The following ATRX variants were observed in gnomAD, a reference collection of about 807,000 sequenced individuals.
ATRX encodes ATRX chromatin remodeler.
ATRX carries 12 observed loss-of-function variants against 172.6 expected under a neutral mutation model. That is an observed-to-expected ratio of 0.07 (90% CI 0.04 to 0.11). ATRX has a LOEUF of 0.11. ATRX is among the 10% of genes least tolerant of loss of function. The pLI is 1.00. For missense variants in ATRX, 1,368 were observed against 1,767.4 expected (o/e 0.77, Z 4.05); for synonymous variants, 674 against 594.7 (o/e 1.13, Z -1.94).
chrX:77,784,667 G>A (rs980794469), intron 1 of ATRX, among the ~76,000 whole-genome samples: 1 of 110,231 alleles, frequency 9.1e-6, no homozygotes, highest in African/African-American at 3.3e-5. Context: ...GGCCACAATC[G>A]TGTACACAAC....
At chrX:77,512,981 C>G (rs1220337919) in intron 34 of ATRX, among the ~76,000 whole-genome samples, 1 of 111,056 alleles carries the variant, frequency 9.0e-6, no homozygotes, top group Non-Finnish European at 1.9e-5. Flanking sequence ...AACCAGAAAA[C>G]AAATAACAAA....
At chrX:77,576,289 G>T (rs191878805) in intron 27 of ATRX, among the ~76,000 whole-genome samples, 2 of 110,429 alleles carry the variant, frequency 1.8e-5, no homozygotes, top group African/African-American at 6.6e-5. Flanking sequence ...TTGTAACATA[G>T]GCTTTTCAAT....
chrX:77,696,452 C>A (rs2072189885), intron 5 of ATRX, 125 bp downstream of exon 5: 3 of 721,347 alleles, frequency 4.2e-6, no homozygotes, highest in South Asian at 5.1e-5. Context: ...TTCTAGACAA[C>A]CACTAGGAAA....
In ATRX at chrX:77,654,114, G is replaced by A. The variant is rs1354315520; in HGVS notation, c.4301C>T (p.Ser1434Leu). 2 of 1,205,913 alleles carry A rather than the reference G, an allele frequency of 1.7e-6. No individual in the cohort carries two copies. The highest frequency in any genetic ancestry group is 3.5e-5 in the African/African-American group (2 of 57,191). ...KRRRIKVQED[S>L]SSENKSNSEE... ...CATTATTACCTTGTTTTCACTGGAT[G>A]AATCTTCTTGAACCTTAATACGTCG... The change falls in exon 14 of 35, where the codon TCA (serine) becomes TTA (leucine). Residue 1434 changes from serine to leucine, a missense_variant. Transcript: ENST00000373344.
chrX:77,786,183 G>A lies in ATRX; in HGVS notation c.-182C>T. ...GCCGCAGGAGCCGCGGAAACAAAGC[G>A]ACACCGCTGCCGCCGCCATTTTGTT... is the stretch of plus-strand genomic sequence containing the variant. On this transcript the variant is annotated 5_prime_UTR_variant, in exon 1 of 35. Coordinates refer to ENST00000373344, the MANE Select transcript of ATRX (RefSeq NM_000489.6). 4.1e-6 allele frequency: 2 copies of A among 485,996 alleles called. No individual in the cohort carries two copies. Among genetic ancestry groups the A allele is most frequent in the South Asian group, 7.1e-5 (2 of 28,072 alleles). 40.1% of individuals were successfully genotyped at this position (485,996 alleles called of 1,213,427 possible).
chrX:77,671,167 A>AAAAAAAATATATAT (rs1424480831), intron 10 of ATRX, among the ~76,000 whole-genome samples: 5 of 15,733 alleles, frequency 3.2e-4, no homozygotes, highest in Non-Finnish European at 4.6e-4. Flanking sequence ...AAAAAAAAAA[A>AAAAAAAATATATAT]ATATATATAT....
At chrX:77,677,325 G>A (rs1886201964) in intron 9 of ATRX, among the ~76,000 whole-genome samples, 1 of 111,332 alleles carries the variant, frequency 9.0e-6, no homozygotes, top group African/African-American at 3.3e-5. Context: ...AATCTCAAAA[G>A]GTTATATACT....
At chrX:77,618,553 T>C (rs1169778454) in intron 21 of ATRX, among the ~76,000 whole-genome samples, 1 of 111,555 alleles carries the variant, frequency 9.0e-6, no homozygotes, top group Non-Finnish European at 1.9e-5. Flanking sequence ...ATCTAAACAT[T>C]AACATAATAA....
At chrX:77,773,500 T>C (rs1285106051) in intron 1 of ATRX, among the ~76,000 whole-genome samples, 3 of 111,733 alleles carry the variant, frequency 2.7e-5, no homozygotes, top group Non-Finnish European at 3.8e-5. Context: ...ACGCCTGTAA[T>C]CCCAGCACTT....
At chrX:77,594,469 T>C (rs1172820187) in intron 25 of ATRX, 7 of 112,548 alleles carry the variant, frequency 6.2e-5, no homozygotes, top group Admixed American at 5.6e-4. Context: ...TATTAAAAGA[T>C]TTAAACATAG....
intron 19 of ATRX, among the ~76,000 whole-genome samples, chrX:77,629,771 G>A (rs782787830): frequency 3.6e-5 from 4 of 111,929 alleles, no homozygotes; most frequent in Non-Finnish European, 7.5e-5. Flanking sequence ...GTGGAGAACT[G>A]AAAGCTTTCC....
At chrX:77,616,887 C>T (rs1300025328) in intron 21 of ATRX, among the ~76,000 whole-genome samples, 157 bp from the exon 22 acceptor site, 1 of 111,352 alleles carries the variant, frequency 9.0e-6, no homozygotes, top group Non-Finnish European at 1.9e-5. Flanking sequence ...TTTCTAAACC[C>T]ACAATTATCT....
At chrX:77,558,364 C>A (rs72628485) in intron 29 of ATRX, among the ~76,000 whole-genome samples, 12 of 110,626 alleles carry the variant, frequency 1.1e-4, no homozygotes, top group East Asian at 5.7e-4. Context: ...CCAAAAAAAA[C>A]CCAGTTTCTG....
At chrX:77,643,976 G>A (rs782727755) in intron 15 of ATRX, among the ~76,000 whole-genome samples, 2 of 110,504 alleles carry the variant, frequency 1.8e-5, no homozygotes, top group Non-Finnish European at 3.8e-5. Flanking sequence ...GTCTTGCTCT[G>A]TCGCCCAGGC....
chrX:77,615,750 C>T (rs2067328975), intron 22 of ATRX, among the ~76,000 whole-genome samples: 1 of 111,101 alleles, frequency 9.0e-6, no homozygotes, highest in African/African-American at 3.3e-5. Context: ...GGATGCACTG[C>T]TATTAAAAAA....
intron 1 of ATRX, among the ~76,000 whole-genome samples, chrX:77,766,514 A>G (rs1372754690): frequency 5.0e-5 from 5 of 100,498 alleles, no homozygotes; most frequent in East Asian, 3.3e-4. Flanking sequence ...CGGGGCGGCC[A>G]GGCAGAGACG....
chrX:77,679,993 T>C lies in ATRX; in HGVS notation c.3736+1527A>G. ...TATAATTTTGAAATCTAAAACACTC[T>C]CAAAATGGAAAGTTTCTGTAAGAGG... On this transcript the variant is annotated intron_variant, in intron 9 of 34. Coordinates refer to ENST00000373344, the MANE Select transcript of ATRX (RefSeq NM_000489.6). 2.7e-5 allele frequency among the ~76,000 whole-genome samples: 3 copies of C among 111,605 alleles called. 1 individual carries two copies. The highest frequency in any genetic ancestry group is 5.7e-5 in the Non-Finnish European group (3 of 53,062).
chrX:77,756,790 A>T (rs2075515660), intron 1 of ATRX, among the ~76,000 whole-genome samples: 1 of 100,155 alleles, frequency 1.0e-5, no homozygotes, highest in South Asian at 4.5e-4. Flanking sequence ...TTCAGCCATC[A>T]TTTTTTTTTT....
chrX:77,666,584 G>T (rs1357565099), intron 10 of ATRX, among the ~76,000 whole-genome samples: 1 of 112,380 alleles, frequency 8.9e-6, no homozygotes, highest in Non-Finnish European at 1.9e-5. Flanking sequence ...TTTCAGCCAG[G>T]TGTGGTGGCT....
Sources: gnomAD v4.1 joint callset for allele counts (sites outside exome capture counted in the v4.1 genomes callset) on GRCh38, gnomAD v4.1.1 for gene constraint, MANE v1.5 for transcripts, NCBI Gene and HGNC (gene_info 2026-07-23, HGNC 2026-07-21) for gene names.